The following SCN11A variants were observed in gnomAD, a reference collection of about 807,000 sequenced individuals.
SCN11A encodes the protein sodium voltage-gated channel alpha subunit 11.
A neutral mutation model predicts 162.2 loss-of-function variants in SCN11A; 122 were observed. The observed-to-expected ratio is 0.75, with a 90% CI of 0.65 to 0.87. SCN11A has a LOEUF of 0.87. Ranked by LOEUF, SCN11A falls within the 40% of genes least tolerant of loss-of-function variation. SCN11A has a pLI of 0.00. For missense variants in SCN11A, 2,015 were observed against 2,181.6 expected (o/e 0.92, Z 1.52); for synonymous variants, 758 against 751.5 (o/e 1.01, Z -0.14).
At chr3:38,973,629 T>A (rs933529094) in intron 2 of SCN11A, among the ~76,000 whole-genome samples, 10 of 152,176 alleles carry the variant, frequency 6.6e-5, no homozygotes, top group African/African-American at 2.4e-4. Flanking sequence ...AAAATTAGAA[T>A]ATTTAAAAAG....
At chr3:38,904,314 C>G (rs923791243) in intron 15 of SCN11A, among the ~76,000 whole-genome samples, 1 of 152,146 alleles carries the variant, frequency 6.6e-6, no homozygotes, top group African/African-American at 2.4e-5. Flanking sequence ...GCGGTACAGT[C>G]AAGTCCATCA....
chr3:38,857,147 C>G (rs2064883452), intron 28 of SCN11A, among the ~76,000 whole-genome samples: 2 of 151,978 alleles, frequency 1.3e-5, no homozygotes, highest in Non-Finnish European at 2.9e-5. Flanking sequence ...GGATCCAAAC[C>G]AAGAAGAAAT....
intron 9 of SCN11A, among the ~76,000 whole-genome samples, chr3:38,921,866 C>T (rs1038827465): frequency 6.6e-6 from 1 of 152,090 alleles, no homozygotes; most frequent in Admixed American, 6.6e-5. Context: ...GTTAAGCTGC[C>T]AAAGTTACAA....
chr3:38,963,393 GATAT>G lies in SCN11A; in HGVS notation c.-279-2974_-279-2971del, dbSNP rs765572967. Among the ~76,000 whole-genome samples the G allele has an allele frequency of 3.5e-3, 195 of 56,194 alleles. 2 individuals are homozygous for G. The highest frequency in any genetic ancestry group is 0.012 in the African/African-American group (141 of 12,166). The allele number at this position is 56,194 out of a possible 152,430, so 36.9% of individuals were successfully genotyped here. On this transcript the variant is annotated intron_variant, in intron 2 of 29. Transcript: ENST00000302328. ...TATATATATATATATATATGATGGAGATATATATATATATATATATATATGATGG... is the reference window on the plus strand; with the variant it reads ...TATATATATATATATATATGATGGAGATATATATATATATATATATGATGG...
In SCN11A at chr3:38,922,149, A is replaced by G. The variant is rs144090251; in HGVS notation, c.713-894T>C. Among the ~76,000 whole-genome samples the G allele has an allele frequency of 5.3e-5, 8 of 152,348 alleles. No individual in the cohort carries two copies. In the East Asian group the frequency reaches 1.5e-3, roughly 29 times the overall value. ...CCCAGATGTAATTGAAAGGCATGGA[A>G]TGACACTAAGTGACAAAATTTCAAT... is the stretch of plus-strand genomic sequence containing the variant. On this transcript the variant is annotated intron_variant, in intron 9 of 29. Transcript: ENST00000302328.
At chr3:38,910,358 C>G (rs1438096487) in intron 11 of SCN11A, 151 bp from the exon 12 acceptor site, 6 of 632,322 alleles carry the variant, frequency 9.5e-6, no homozygotes. Flanking sequence ...ACTGCACTGT[C>G]TGACAAGACT....
chr3:38,868,756 C>T (rs1290789111), intron 26 of SCN11A, among the ~76,000 whole-genome samples: 2 of 152,148 alleles, frequency 1.3e-5, no homozygotes, highest in Non-Finnish European at 2.9e-5. Flanking sequence ...AGAGGGTATT[C>T]TTGCTTTACT....
chr3:38,899,351 G>T (rs188440739), intron 17 of SCN11A, among the ~76,000 whole-genome samples: 1 of 152,098 alleles, frequency 6.6e-6, no homozygotes, highest in African/African-American at 2.4e-5. Flanking sequence ...CTTTGTAAAG[G>T]TTTCCAGAAT....
In SCN11A at chr3:38,894,737, G is replaced by C; in HGVS notation, c.2631C>G (p.Ser877Arg). Residue 877 changes from serine (S) to arginine (R), a missense_variant, in exon 19 of 30, where the codon AGC (serine) becomes AGG (arginine). Transcript: ENST00000302328. ...KEVAGGCAAQ[S>R]KDIIPLVMEM... ...CCATGACCAGGGGAATGATGTCTTT[G>C]CTTTGTGCAGCACAGCCTCCTGCCA... The C allele has an allele frequency of 6.2e-7, 1 of 1,614,168 alleles. No homozygotes were observed. Among genetic ancestry groups the C allele is most frequent in the Non-Finnish European group, 8.5e-7 (1 of 1,180,026 alleles).
chr3:39,049,424 G>A (rs896100800), intron 1 of SCN11A, among the ~76,000 whole-genome samples: 1 of 152,236 alleles, frequency 6.6e-6, no homozygotes, highest in African/African-American at 2.4e-5. Flanking sequence ...CTAGATGGTG[G>A]TGTCAGCGGA....
chr3:38,923,243 G>T (rs1575296327), intron 9 of SCN11A, among the ~76,000 whole-genome samples: 2 of 152,086 alleles, frequency 1.3e-5, no homozygotes, highest in East Asian at 3.9e-4. Context: ...AGTACCCTGG[G>T]GCTCAGACCT....
At chr3:38,942,104 CAAAG>C (rs2066451245) in intron 7 of SCN11A, among the ~76,000 whole-genome samples, 1 of 151,838 alleles carries the variant, frequency 6.6e-6, no homozygotes, top group African/African-American at 2.4e-5. Flanking sequence ...TTATTAGAGA[CAAAG>C]AAGACATTCC....
At chr3:38,877,943 T>C (rs895871420) in intron 23 of SCN11A, among the ~76,000 whole-genome samples, 1 of 151,518 alleles carries the variant, frequency 6.6e-6, no homozygotes, top group Non-Finnish European at 1.5e-5. Flanking sequence ...AAACATTTTA[T>C]GTTCTTACTC....
intron 2 of SCN11A, among the ~76,000 whole-genome samples, chr3:39,019,659 C>T (rs1248143352): frequency 3.3e-5 from 5 of 152,168 alleles, no homozygotes; most frequent in Non-Finnish European, 5.9e-5. Flanking sequence ...AAGTCAAAGT[C>T]CACTCTGCTG....
At chr3:38,894,501 T>C (rs759613714) in intron 19 of SCN11A, 32 bp downstream of exon 19, 1 of 1,529,788 alleles carries the variant, frequency 6.5e-7, no homozygotes, top group Non-Finnish European at 8.8e-7. Context: ...CAGCTTTGTA[T>C]GACCTTTAAG....
At chr3:38,962,668 C>T (rs2066748906) in intron 2 of SCN11A, among the ~76,000 whole-genome samples, 1 of 151,768 alleles carries the variant, frequency 6.6e-6, no homozygotes, top group Non-Finnish European at 1.5e-5. Flanking sequence ...GCCAACATGA[C>T]AAAACCCCAT....
At position 39,012,673 on chromosome 3, in the gene SCN11A, C is replaced by T. The variant is rs566769716; in HGVS notation, c.-280+19707G>A. 2.5e-4 allele frequency among the ~76,000 whole-genome samples: 38 copies of T among 152,208 alleles called. No individual in the cohort carries two copies. In the South Asian group the frequency reaches 7.7e-3, roughly 31 times the overall value. On this transcript the variant is annotated intron_variant, in intron 2 of 29. Coordinates refer to ENST00000302328, the MANE Select transcript of SCN11A (RefSeq NM_001349253.2). Reference sequence around the variant, plus strand: ...TTTTTGTATTAGAGACAGGGTTTCACCATGTTGGCCAGGCTGGTCTCAAAC... The same window carrying T: ...TTTTTGTATTAGAGACAGGGTTTCATCATGTTGGCCAGGCTGGTCTCAAAC...
intron 2 of SCN11A, among the ~76,000 whole-genome samples, chr3:39,013,229 A>G (rs530753186): frequency 3.3e-5 from 5 of 152,346 alleles, no homozygotes; most frequent in Non-Finnish European, 7.3e-5. Context: ...AGCAAATTAC[A>G]TCATTAACAG....
At chr3:38,854,713 C>A (rs146213161) in intron 28 of SCN11A, among the ~76,000 whole-genome samples, 1 of 152,214 alleles carries the variant, frequency 6.6e-6, no homozygotes, top group Non-Finnish European at 1.5e-5. Context: ...AAACACACAT[C>A]CCCACTGGGG....
Sources: allele counts gnomAD v4.1 joint callset (sites outside exome capture counted in the v4.1 genomes callset), GRCh38; gene constraint gnomAD v4.1.1; transcripts MANE v1.5; gene names NCBI Gene and HGNC (gene_info 2026-07-23, HGNC 2026-07-21).